IGF2BP2: variants seen among roughly 807,000 people sequenced by gnomAD.
The protein encoded by IGF2BP2 is insulin like growth factor 2 mRNA binding protein 2, also known as insulin-like growth factor 2 mRNA-binding protein 2.
IGF2BP2 carries 17 observed loss-of-function variants against 75.8 expected under a neutral mutation model. The ratio of observed to expected loss-of-function variants is 0.22; its 90% CI spans 0.15 to 0.34. The LOEUF is 0.34. IGF2BP2 is among the 10% of genes least tolerant of loss of function. IGF2BP2 has a pLI of 1.00. For synonymous variants in IGF2BP2, 288 were observed against 295.6 expected, an observed-to-expected ratio of 0.97 and a Z score of 0.26; for missense variants, 516 against 772.4, an observed-to-expected ratio of 0.67 and a Z score of 3.93.
rs191692128 is a variant in IGF2BP2, at chr3:185,813,467, G to C, written c.239+9686C>G. On this transcript the variant is annotated intron_variant, in intron 2 of 15. Transcript: ENST00000382199. ...CCATGACTTGAAGACATCACTATCAGCTCGAAAAGAAAGGGGTAAACAGTA... is the reference window on the plus strand; with the variant it reads ...CCATGACTTGAAGACATCACTATCACCTCGAAAAGAAAGGGGTAAACAGTA... 2.1e-4 allele frequency among the ~76,000 whole-genome samples: 32 copies of C among 152,254 alleles called. 1 individual carries two copies. Among genetic ancestry groups the C allele is most frequent in the African/African-American group, 7.7e-4 (32 of 41,546 alleles).
intron 2 of IGF2BP2, among the ~76,000 whole-genome samples, chr3:185,781,712 A>G (rs1185516167): frequency 6.6e-6 from 1 of 152,076 alleles, no homozygotes; most frequent in Non-Finnish European, 1.5e-5. Flanking sequence ...TAAGCACCTC[A>G]CAACTTTCTA....
intron 2 of IGF2BP2, among the ~76,000 whole-genome samples, chr3:185,727,624 A>G (rs189405823): frequency 7.2e-5 from 11 of 152,354 alleles, no homozygotes; most frequent in Non-Finnish European, 1.2e-4. Context: ...TCCTCTTCCT[A>G]TATTTACTTT....
intron 2 of IGF2BP2, among the ~76,000 whole-genome samples, chr3:185,749,064 T>C (rs1730626807): frequency 6.6e-6 from 1 of 151,980 alleles, no homozygotes; most frequent in Non-Finnish European, 1.5e-5. Flanking sequence ...CTTGGGAGGC[T>C]GAGGCAGGAG....
intron 10 of IGF2BP2, among the ~76,000 whole-genome samples, chr3:185,670,726 C>T (rs971414738): frequency 6.6e-6 from 1 of 151,876 alleles, no homozygotes; most frequent in Non-Finnish European, 1.5e-5. Context: ...TGCACCACCA[C>T]ACCTGGCTAA....
intron 2 of IGF2BP2, among the ~76,000 whole-genome samples, chr3:185,763,399 T>G (rs1578224180): frequency 1.3e-5 from 2 of 152,238 alleles, no homozygotes; most frequent in East Asian, 3.8e-4. Context: ...GCATTTGTAT[T>G]TCTCCTGCGA....
At chr3:185,790,993 A>G (rs1187312259) in intron 2 of IGF2BP2, among the ~76,000 whole-genome samples, 1 of 152,230 alleles carries the variant, frequency 6.6e-6, no homozygotes, top group Admixed American at 6.5e-5. Context: ...AAGGAAAGAA[A>G]AAGATATTCT....
chr3:185,691,574 G>T (rs947115076), intron 5 of IGF2BP2, among the ~76,000 whole-genome samples: 26 of 152,156 alleles, frequency 1.7e-4, no homozygotes, highest in Non-Finnish European at 3.4e-4. Context: ...ATAATGACCT[G>T]ACAGGCACTT....
chr3:185,677,044 GATATATATATATATATATATAT>G (rs1164588813), intron 7 of IGF2BP2, among the ~76,000 whole-genome samples: 1 of 23,868 alleles, frequency 4.2e-5, no homozygotes, highest in African/African-American at 2.2e-4. Context: ...TATATATGGA[GATATATATATATATATATATAT>G]ATAGAGAGAG....
chr3:185,799,430 C>T (rs996622613), intron 2 of IGF2BP2, among the ~76,000 whole-genome samples: 3 of 151,878 alleles, frequency 2.0e-5, no homozygotes, highest in Non-Finnish European at 2.9e-5. Context: ...TACCATCTCA[C>T]GCCAGTTAGA....
chr3:185,716,513 G>A (rs768420916), intron 2 of IGF2BP2: 1 of 520,150 alleles, frequency 1.9e-6, no homozygotes, highest in Non-Finnish European at 3.8e-6. Flanking sequence ...TTTTGGGGAA[G>A]TGGGCTGCTT....
intron 2 of IGF2BP2, among the ~76,000 whole-genome samples, chr3:185,737,776 G>A (rs987832706): frequency 6.6e-6 from 1 of 152,170 alleles, no homozygotes; most frequent in Non-Finnish European, 1.5e-5. Flanking sequence ...CAAAGACCTC[G>A]AGAAGTTATG....
chr3:185,731,251 T>C (rs1191767350), intron 2 of IGF2BP2, among the ~76,000 whole-genome samples: 1 of 150,474 alleles, frequency 6.6e-6, no homozygotes, highest in African/African-American at 2.4e-5. Flanking sequence ...ACTTTCTTTT[T>C]TTTTTTTTTT....
chr3:185,778,726 T>C (rs1734839180), intron 2 of IGF2BP2, among the ~76,000 whole-genome samples: 1 of 152,202 alleles, frequency 6.6e-6, no homozygotes, highest in African/African-American at 2.4e-5. Context: ...GGTGTCTTGT[T>C]TTCTCAACTA....
intron 2 of IGF2BP2, among the ~76,000 whole-genome samples, chr3:185,724,251 T>C (rs575232623): frequency 6.6e-6 from 1 of 152,280 alleles, no homozygotes; most frequent in South Asian, 2.1e-4. Context: ...TGGAGCGACA[T>C]GTGGTCTGAA....
At chr3:185,654,488 G>A (rs762429988) in intron 12 of IGF2BP2, among the ~76,000 whole-genome samples, 1 of 152,114 alleles carries the variant, frequency 6.6e-6, no homozygotes, top group Non-Finnish European at 1.5e-5. Flanking sequence ...CATGATTCAC[G>A]CTGACCAAAT....
chr3:185,676,685 C>CTATATATA (rs141381897), intron 7 of IGF2BP2, among the ~76,000 whole-genome samples: 36 of 131,652 alleles, frequency 2.7e-4, no homozygotes, highest in African/African-American at 9.6e-4. Flanking sequence ...AAAACAACAA[C>CTATATATA]TATATATATA....
chr3:185,776,122 G>A (rs962010344), intron 2 of IGF2BP2, among the ~76,000 whole-genome samples: 1 of 152,278 alleles, frequency 6.6e-6, no homozygotes, highest in East Asian at 1.9e-4. Flanking sequence ...GTGCACACCT[G>A]TAGTCCCAGC....
At chr3:185,796,052 C>T (rs1240472834) in intron 2 of IGF2BP2, among the ~76,000 whole-genome samples, 1 of 152,170 alleles carries the variant, frequency 6.6e-6, no homozygotes, top group African/African-American at 2.4e-5. Flanking sequence ...AACATTAACA[C>T]AGGACATACT....
chr3:185,727,624 A>C (rs189405823), intron 2 of IGF2BP2, among the ~76,000 whole-genome samples: 9 of 152,236 alleles, frequency 5.9e-5, no homozygotes, highest in Non-Finnish European at 1.3e-4. Context: ...TCCTCTTCCT[A>C]TATTTACTTT....
Sources: allele counts gnomAD v4.1 joint callset (sites outside exome capture counted in the v4.1 genomes callset), GRCh38; gene constraint gnomAD v4.1.1; transcripts MANE v1.5; gene names NCBI Gene and HGNC (gene_info 2026-07-23, HGNC 2026-07-21).